The following DLC1 variants were observed in gnomAD, a reference collection of about 807,000 sequenced individuals.
DLC1 encodes DLC1 Rho GTPase activating protein.
A neutral mutation model predicts 140.3 loss-of-function variants in DLC1; 54 were observed. The ratio of observed to expected loss-of-function variants is 0.38; its 90% CI spans 0.31 to 0.48. The LOEUF (loss-of-function observed/expected upper bound fraction) is 0.48, where lower values mean the gene tolerates loss of function less well. Ranked by LOEUF, DLC1 falls within the 20% of genes least tolerant of loss-of-function variation. The pLI, the probability that DLC1 is intolerant of heterozygous loss-of-function variation, is 0.96. For missense variants in DLC1, 2,536 were observed against 1,907.0 expected, an observed-to-expected ratio of 1.33 and a Z score of -6.14; for synonymous variants, 986 against 728.1, an observed-to-expected ratio of 1.35 and a Z score of -5.70.
At chr8:13,397,071 T>C (rs1437454828) in intron 3 of DLC1, among the ~76,000 whole-genome samples, 1 of 152,148 alleles carries the variant, frequency 6.6e-6, no homozygotes, top group African/African-American at 2.4e-5. Context: ...CTGTGGGGTT[T>C]TTATCATGGC....
intron 2 of DLC1, among the ~76,000 whole-genome samples, chr8:13,481,623 A>C (rs1016448129): frequency 2.0e-5 from 3 of 152,182 alleles, no homozygotes; most frequent in Non-Finnish European, 4.4e-5. Flanking sequence ...CTGATAGAAA[A>C]TTTACAGCCC....
In DLC1 at chr8:13,383,714, C is replaced by T. The variant is rs539610765; in HGVS notation, c.1314+9839G>A. Among the ~76,000 whole-genome samples, 51 of 152,276 alleles carry T rather than the reference C, an allele frequency of 3.3e-4. No homozygotes were observed. The South Asian group carries it at 7.9e-3, about 24-fold the overall frequency. ...CTTCCTTGATTTCTTTCACTTGCAT[C>T]GGTGGAAGTCAGGTGCCACCACATG... On this transcript the variant is annotated intron_variant, in intron 4 of 17. Coordinates refer to ENST00000276297, the MANE Select transcript of DLC1 (RefSeq NM_182643.3).
intron 1 of DLC1, among the ~76,000 whole-genome samples, chr8:13,575,445 G>A (rs931456543): frequency 2.0e-5 from 3 of 152,054 alleles, no homozygotes; most frequent in African/African-American, 7.2e-5. Flanking sequence ...GGGTGGGGCC[G>A]AGGGGAGGAT....
At position 13,265,512 on chromosome 8, in the gene DLC1, G is replaced by A. The variant is rs139565866; in HGVS notation, c.1348+39757C>T. Among the ~76,000 whole-genome samples, 334 of 152,212 alleles carry A rather than the reference G, an allele frequency of 2.2e-3. 3 individuals carry two copies. The highest frequency in any genetic ancestry group is 7.9e-3 in the African/African-American group (328 of 41,532). ...GAAATAAAAACATTTTCTGTGAACT[G>A]GCCTCACAAGAATGAGAGCTCGGAA... is the stretch of plus-strand genomic sequence containing the variant. On this transcript the variant is annotated intron_variant, in intron 5 of 17. Transcript: ENST00000276297.
At chr8:13,580,125 A>ATTTTTTTAT (rs1805034682) in intron 1 of DLC1, among the ~76,000 whole-genome samples, 1 of 12,052 alleles carries the variant, frequency 8.3e-5, no homozygotes, top group Non-Finnish European at 2.2e-4. Flanking sequence ...GGTTACATTT[A>ATTTTTTTAT]TTTTTTTATT....
At position 13,085,737 on chromosome 8, in the gene DLC1, C is replaced by A; in HGVS notation, c.*74G>T. The A allele has an allele frequency of 1.2e-6, 2 of 1,600,602 alleles. No homozygotes were observed. Among genetic ancestry groups the A allele is most frequent in the Admixed American group, 1.7e-5 (1 of 58,600 alleles). The stretch of plus-strand genomic sequence containing the variant: ...TTTGTTTCAGGATTAGACACAGAAC[C>A]CATTCTTCAAGGACTGGCAAAAGTT... On this transcript the variant is annotated 3_prime_UTR_variant, in exon 18 of 18. Transcript: ENST00000276297.
chr8:13,457,087 C>A (rs1415035891), intron 2 of DLC1, among the ~76,000 whole-genome samples: 3 of 152,090 alleles, frequency 2.0e-5, no homozygotes, highest in Admixed American at 1.3e-4. Context: ...TTCCCTGGGT[C>A]GGCCTTTTGG....
intron 1 of DLC1, among the ~76,000 whole-genome samples, chr8:13,541,548 T>A (rs1803483738): frequency 6.6e-6 from 1 of 152,198 alleles, no homozygotes; most frequent in Non-Finnish European, 1.5e-5. Flanking sequence ...GGAATCTTTT[T>A]ATGGATTTAT....
chr8:13,133,289 T>C, intron 5 of DLC1: 3 of 1,278,156 alleles, frequency 2.3e-6, no homozygotes, highest in Non-Finnish European at 3.0e-6. Context: ...CGGAGCGAAC[T>C]GTCTCCCGCG....
chr8:13,106,224 A>G (rs1181938963), intron 7 of DLC1, among the ~76,000 whole-genome samples: 1 of 152,214 alleles, frequency 6.6e-6, no homozygotes, highest in Non-Finnish European at 1.5e-5. Flanking sequence ...GCCAAAAACA[A>G]AGAAGAGAAG....
chr8:13,294,794 C>A (rs1831884448), intron 5 of DLC1, among the ~76,000 whole-genome samples: 1 of 152,132 alleles, frequency 6.6e-6, no homozygotes, highest in Non-Finnish European at 1.5e-5. Context: ...GGCTTTGAAT[C>A]CTGATTTGGC....
intron 4 of DLC1, among the ~76,000 whole-genome samples, chr8:13,386,375 C>T (rs993950734): frequency 6.6e-6 from 1 of 151,922 alleles, no homozygotes; most frequent in African/African-American, 2.4e-5. Flanking sequence ...AGTTTGCCAG[C>T]CCCCAAAATT....
intron 4 of DLC1, among the ~76,000 whole-genome samples, chr8:13,311,065 A>G (rs1832647562): frequency 2.6e-5 from 4 of 152,256 alleles, no homozygotes; most frequent in Admixed American, 2.6e-4. Context: ...CTCATAATAC[A>G]CACTAGGATA....
chr8:13,170,358 A>G (rs1288893115), intron 5 of DLC1, among the ~76,000 whole-genome samples: 1 of 152,220 alleles, frequency 6.6e-6, no homozygotes, highest in East Asian at 1.9e-4. Flanking sequence ...AGCAACTAGA[A>G]ATTAATAGTA....
rs149195795 is a variant in DLC1 at position 13,108,846 on chromosome 8, A to G, written c.1502+1896T>C. On this transcript the variant is annotated intron_variant, in intron 7 of 17. Transcript: ENST00000276297. Reference sequence around the variant, plus strand: ...ATTAAAAAAATGTCTGGAGTAGTTCATATTCCAGATGCAGACTCCTTCCCC... The same window carrying G: ...ATTAAAAAAATGTCTGGAGTAGTTCGTATTCCAGATGCAGACTCCTTCCCC... Among the ~76,000 whole-genome samples, 378 of 152,336 alleles carry G rather than the reference A, an allele frequency of 2.5e-3. 3 individuals are homozygous for G. The highest frequency in any genetic ancestry group is 8.3e-3 in the African/African-American group (345 of 41,584).
At chr8:13,508,511 G>A (rs1394391068) in intron 1 of DLC1, among the ~76,000 whole-genome samples, 2 of 151,026 alleles carry the variant, frequency 1.3e-5, no homozygotes, top group South Asian at 2.1e-4. Flanking sequence ...TCTGCCTCCC[G>A]AGTTCATGCC....
Position 13,407,030 on chromosome 8 carries a change from C to T in DLC1, c.1024-5411G>A, listed in dbSNP as rs552475404. On this transcript the variant is annotated intron_variant, in intron 2 of 17. Transcript: ENST00000276297. ...GTCAAAGTTTAGATAATATATGTAG[C>T]TGCTGTGGAAGAAATTTCCACTTGT... Among the ~76,000 whole-genome samples, 389 of 152,300 alleles carry T rather than the reference C, an allele frequency of 2.6e-3. 1 individual carries two copies. The highest frequency in any genetic ancestry group is 4.7e-3 in the Non-Finnish European group (318 of 68,030).
intron 2 of DLC1, among the ~76,000 whole-genome samples, chr8:13,452,359 G>C (rs982366995): frequency 5.9e-5 from 9 of 151,996 alleles, no homozygotes; most frequent in Admixed American, 5.3e-4. Context: ...CACACAGTGA[G>C]AGTAAAAAAG....
In DLC1 at chr8:13,335,841, A is replaced by T. The variant is rs114016476; in HGVS notation, c.1315-30539T>A. On this transcript the variant is annotated intron_variant, in intron 4 of 17. Coordinates refer to ENST00000276297, the MANE Select transcript of DLC1 (RefSeq NM_182643.3). ...GACAATTTAAAAAGCAAAATTAATC[A>T]ACTATTATTTATTGTACCCACACTA... Among the ~76,000 whole-genome samples the T allele has an allele frequency of 6.2e-3, 941 of 152,224 alleles. 7 individuals carry two copies. Among genetic ancestry groups the T allele is most frequent in the African/African-American group, 0.022 (910 of 41,546 alleles).
Sources: gnomAD v4.1 joint callset for allele counts (sites outside exome capture counted in the v4.1 genomes callset) on GRCh38, gnomAD v4.1.1 for gene constraint, MANE v1.5 for transcripts, NCBI Gene and HGNC (gene_info 2026-07-23, HGNC 2026-07-21) for gene names.